DACH2: variants seen among roughly 807,000 people sequenced by gnomAD.
DACH2 encodes the protein dachshund family transcription factor 2.
A neutral mutation model predicts 35.8 loss-of-function variants in DACH2; 17 were observed. That is an observed-to-expected ratio of 0.48 (90% CI 0.33 to 0.71). The LOEUF is 0.71. Among genes scored for constraint, DACH2 ranks in the 30% least tolerant of loss-of-function variants. The pLI is 0.02. For synonymous variants in DACH2, 195 were observed against 177.3 expected, an observed-to-expected ratio of 1.10 and a Z score of -0.79; for missense variants, 469 against 472.7, an observed-to-expected ratio of 0.99 and a Z score of 0.07.
At chrX:86,549,245 C>A (rs972440013) in intron 3 of DACH2, among the ~76,000 whole-genome samples, 3 of 111,544 alleles carry the variant, frequency 2.7e-5, no homozygotes, top group African/African-American at 9.8e-5. Context: ...TTTTGAGATA[C>A]ACATGTATGA....
At chrX:86,686,854 T>C (rs2040950349) in intron 4 of DACH2, among the ~76,000 whole-genome samples, 2 of 112,002 alleles carry the variant, frequency 1.8e-5, no homozygotes, top group African/African-American at 6.5e-5. Context: ...AACTAATCTT[T>C]GAAACTCAAT....
intron 4 of DACH2, among the ~76,000 whole-genome samples, chrX:86,667,547 A>AAGAG (rs1491371980): frequency 3.0e-5 from 1 of 33,139 alleles, no homozygotes; most frequent in African/African-American, 1.5e-4. Context: ...GAAAGAAAGA[A>AAGAG]GAAAGAAAGA....
intron 4 of DACH2, among the ~76,000 whole-genome samples, chrX:86,694,284 C>A (rs2041041987): frequency 8.9e-6 from 1 of 112,498 alleles, no homozygotes; most frequent in African/African-American, 3.2e-5. Flanking sequence ...TTAAAGTATT[C>A]TCTTGAAAGA....
intron 2 of DACH2, among the ~76,000 whole-genome samples, chrX:86,503,178 A>G (rs928743140): frequency 2.7e-5 from 3 of 111,903 alleles, no homozygotes; most frequent in Non-Finnish European, 3.8e-5. Flanking sequence ...TCCCTTACCC[A>G]TATTTGAGGA....
intron 1 of DACH2, among the ~76,000 whole-genome samples, chrX:86,302,821 C>G (rs1002066464): frequency 1.2e-3 from 127 of 109,707 alleles, no homozygotes; most frequent in South Asian, 7.8e-4. Context: ...CCTAAAGATT[C>G]TTAGGAATTC....
intron 1 of DACH2, among the ~76,000 whole-genome samples, chrX:86,169,428 C>A (rs906666659): frequency 9.0e-6 from 1 of 111,168 alleles, no homozygotes; most frequent in African/African-American, 3.3e-5. Flanking sequence ...ATATTGATAT[C>A]TTTCTCTAGG....
At chrX:86,349,542 G>A (rs904956937) in intron 1 of DACH2, among the ~76,000 whole-genome samples, 4 of 112,225 alleles carry the variant, frequency 3.6e-5, no homozygotes, top group African/African-American at 6.5e-5. Flanking sequence ...GCCAGGGACC[G>A]TGCCCTTCTC....
At chrX:86,629,275 C>T (rs1239121744) in intron 3 of DACH2, among the ~76,000 whole-genome samples, 1 of 111,207 alleles carries the variant, frequency 9.0e-6, no homozygotes, top group Non-Finnish European at 1.9e-5. Context: ...TGCACACTCT[C>T]TCCTAGAGTC....
At chrX:86,354,986 G>C (rs1422264526) in intron 1 of DACH2, among the ~76,000 whole-genome samples, 1 of 111,736 alleles carries the variant, frequency 8.9e-6, no homozygotes, top group Non-Finnish European at 1.9e-5. Flanking sequence ...TGTGTTTTGG[G>C]GATTTGGTGT....
intron 1 of DACH2, among the ~76,000 whole-genome samples, chrX:86,222,551 G>T (rs2032736032): frequency 1.8e-5 from 2 of 111,105 alleles, no homozygotes; most frequent in Admixed American, 9.7e-5. Flanking sequence ...AGAGTTCTGG[G>T]GCATGGAGTC....
chrX:86,320,426 T>C (rs2034994545), intron 1 of DACH2, among the ~76,000 whole-genome samples: 1 of 111,877 alleles, frequency 8.9e-6, no homozygotes, highest in African/African-American at 3.3e-5. Context: ...TCACATTTAG[T>C]TTCTTCAGTT....
chrX:86,652,512 G>A (rs1336985561), intron 4 of DACH2, among the ~76,000 whole-genome samples: 1 of 111,962 alleles, frequency 8.9e-6, no homozygotes, highest in African/African-American at 3.3e-5. Flanking sequence ...AGTTCTTTGA[G>A]GAATCACCAT....
chrX:86,539,103 C>A (rs185986510), intron 3 of DACH2, among the ~76,000 whole-genome samples: 1 of 111,084 alleles, frequency 9.0e-6, no homozygotes, highest in African/African-American at 3.3e-5. Flanking sequence ...GTAATCCTTA[C>A]GTTTTCAGGG....
chrX:86,433,279 A>C (rs1474119287), intron 2 of DACH2, among the ~76,000 whole-genome samples: 1 of 111,845 alleles, frequency 8.9e-6, no homozygotes, highest in Non-Finnish European at 1.9e-5. Context: ...ATTATAGGCT[A>C]TTATTTCCTG....
At chrX:86,691,362 C>T (rs913750356) in intron 4 of DACH2, among the ~76,000 whole-genome samples, 8 of 111,608 alleles carry the variant, frequency 7.2e-5, no homozygotes, top group Admixed American at 9.6e-5. Context: ...AACTCTATTG[C>T]TTGTAACTCA....
intron 3 of DACH2, among the ~76,000 whole-genome samples, chrX:86,596,388 G>A (rs1402088823): frequency 9.1e-6 from 1 of 110,463 alleles, no homozygotes; most frequent in Non-Finnish European, 1.9e-5. Flanking sequence ...TTTCAAACGC[G>A]TATTTTCTGA....
At chrX:86,361,296 T>G (rs2035735596) in intron 1 of DACH2, among the ~76,000 whole-genome samples, 1 of 111,870 alleles carries the variant, frequency 8.9e-6, no homozygotes, top group Non-Finnish European at 1.9e-5. Context: ...ATGATTTATA[T>G]CTGAAGACGA....
At chrX:86,383,676 A>G (rs902049159) in intron 2 of DACH2, among the ~76,000 whole-genome samples, 2 of 105,351 alleles carry the variant, frequency 1.9e-5, no homozygotes, top group African/African-American at 3.5e-5. Context: ...AGTCATTTAC[A>G]TGCTGTTTCT....
intron 3 of DACH2, among the ~76,000 whole-genome samples, chrX:86,571,999 A>C (rs1282318293): frequency 1.8e-5 from 2 of 111,106 alleles, no homozygotes; most frequent in African/African-American, 6.5e-5. Context: ...TATCTTGTTG[A>C]TGCCTTTGTA....
Sources: gnomAD v4.1 joint callset for allele counts (sites outside exome capture counted in the v4.1 genomes callset) on GRCh38, gnomAD v4.1.1 for gene constraint, MANE v1.5 for transcripts, NCBI Gene and HGNC (gene_info 2026-07-23, HGNC 2026-07-21) for gene names.